Variants in NIFK observed in about 807,000 individuals in gnomAD.
The protein encoded by NIFK is MKI67 FHA domain-interacting nucleolar phosphoprotein.
In NIFK, 16 loss-of-function variants were observed where a neutral mutation model predicts 31.7. That is an observed-to-expected ratio of 0.50 (90% CI 0.34 to 0.77). The LOEUF (loss-of-function observed/expected upper bound fraction) is 0.77. Among genes scored for constraint, NIFK ranks in the 30% least tolerant of loss-of-function variants. NIFK has a pLI of 0.01. For synonymous variants in NIFK, 126 were observed against 123.0 expected (o/e 1.02, Z -0.16); for missense variants, 341 against 350.4 (o/e 0.97, Z 0.21).
At chr2:121,729,607 G>A (rs1396396841) in intron 4 of NIFK, among the ~76,000 whole-genome samples, 1 of 152,036 alleles carries the variant, frequency 6.6e-6, no homozygotes, top group Non-Finnish European at 1.5e-5. Context: ...CTCTGTTGCT[G>A]AGGCTGGAGT....
intron 2 of NIFK, 125 bp downstream of exon 2, chr2:121,735,488 T>A: frequency 9.8e-7 from 1 of 1,024,518 alleles, no homozygotes; most frequent in Non-Finnish European, 1.5e-6. Context: ...ATTCTAAACC[T>A]CCTCCACTCT....
At chr2:121,736,088 T>C (rs980677386) in intron 1 of NIFK, among the ~76,000 whole-genome samples, 8 of 152,226 alleles carry the variant, frequency 5.3e-5, no homozygotes, top group Non-Finnish European at 1.0e-4. Context: ...TGCATATTAC[T>C]GTTTACTCGC....
chr2:121,728,058 A>G, intron 6 of NIFK, 146 bp from the exon 7 acceptor site: 1 of 787,752 alleles, frequency 1.3e-6, no homozygotes, highest in Non-Finnish European at 2.0e-6. Context: ...TATTGCAAAG[A>G]ATAAAGAACT....
intron 4 of NIFK, 44 bp downstream of exon 4, chr2:121,730,849 C>T (rs369681469): frequency 5.0e-6 from 7 of 1,387,450 alleles, no homozygotes; most frequent in African/African-American, 4.3e-5. Flanking sequence ...CTGCCCCCTC[C>T]CCTCCCCACA....
intron 6 of NIFK, 121 bp downstream of exon 6, chr2:121,728,167 G>T: frequency 1.3e-6 from 1 of 746,972 alleles, no homozygotes; most frequent in Non-Finnish European, 2.2e-6. Flanking sequence ...CAACAATAAA[G>T]ATCTACCAAA....
chr2:121,733,580 G>A (rs2074558687), intron 2 of NIFK, among the ~76,000 whole-genome samples: 1 of 151,846 alleles, frequency 6.6e-6, no homozygotes, highest in African/African-American at 2.4e-5. Context: ...TCGGGAGGCT[G>A]GGGCAGGAGA....
intron 3 of NIFK, among the ~76,000 whole-genome samples, chr2:121,731,471 C>T (rs1005461943): frequency 6.6e-6 from 1 of 152,198 alleles, no homozygotes; most frequent in Non-Finnish European, 1.5e-5. Context: ...CGTCACTCCT[C>T]CACTCCCTCT....
chr2:121,729,815 C>T (rs933467890), intron 4 of NIFK, among the ~76,000 whole-genome samples: 3 of 152,146 alleles, frequency 2.0e-5, no homozygotes, highest in African/African-American at 4.8e-5. Flanking sequence ...GTAAGTTAAA[C>T]AAATCAGATT....
In NIFK at chr2:121,727,691, A is replaced by AT; in HGVS notation, c.*32dup. ...CAAAGTCCACTCTCATAAAAATATT[A>AT]TATTTTTCAAAAGAAATATAATACA... On this transcript the variant is annotated 3_prime_UTR_variant, in exon 7 of 7. Coordinates refer to ENST00000285814, the MANE Select transcript of NIFK (RefSeq NM_032390.5). The AT allele has an allele frequency of 6.7e-7, 1 of 1,493,824 alleles. No homozygotes were observed. Among genetic ancestry groups the AT allele is most frequent in the Non-Finnish European group, 9.2e-7 (1 of 1,092,460 alleles). The allele number at this position is 1,493,824 out of a possible 1,614,324, so 92.5% of individuals were successfully genotyped here. A position where few individuals can be genotyped will look rare whatever the true frequency, so the allele number is the denominator to read the frequency against.
intron 1 of NIFK, 91 bp downstream of exon 1, chr2:121,736,655 G>C (rs1456808608): frequency 8.1e-6 from 9 of 1,111,778 alleles, no homozygotes; most frequent in Non-Finnish European, 1.1e-5. Flanking sequence ...GAAGGCAAGG[G>C]GCGCCCGGGC....
In NIFK at chr2:121,731,117, A is replaced by G. The variant is rs2074536087; in HGVS notation, c.353-13T>C. On this transcript the variant is annotated splice_polypyrimidine_tract_variant and intron_variant, in intron 3 of 6. Coordinates refer to ENST00000285814, the MANE Select transcript of NIFK (RefSeq NM_032390.5). ...GGCATAAAATGACCTATTTTCAAAA[A>G]GAAAAAAACATAAAGGTATTTTAAT... 6.9e-7 allele frequency: 1 copy of G among 1,439,308 alleles called. No homozygotes were observed. The allele number at this position is 1,439,308 out of a possible 1,614,324, so 89.2% of individuals were successfully genotyped here. A position where few individuals can be genotyped will look rare whatever the true frequency, so the allele number is the denominator to read the frequency against.
intron 2 of NIFK, among the ~76,000 whole-genome samples, chr2:121,734,109 GTTTA>G (rs199699501): frequency 0.13 from 19,016 of 152,022 alleles, 2,763 homozygotes; most frequent in African/African-American, 0.35. Flanking sequence ...CCAAAACAGT[GTTTA>G]GTAGAAACAC....
chr2:121,728,078 A>G, intron 6 of NIFK, 166 bp from the exon 7 acceptor site: 1 of 738,758 alleles, frequency 1.4e-6, no homozygotes, highest in South Asian at 2.3e-5. Context: ...TTAGATGCTT[A>G]TCAAACTTGG....
intron 4 of NIFK, 103 bp downstream of exon 4, chr2:121,730,790 A>T: frequency 1.3e-6 from 1 of 761,394 alleles, no homozygotes; most frequent in Non-Finnish European, 2.3e-6. Context: ...AGTTGCAGTG[A>T]GTCAAGATTG....
chr2:121,728,564 C>G (rs184080486), intron 4 of NIFK, 28 bp from the exon 5 acceptor site: 2 of 1,301,228 alleles, frequency 1.5e-6, no homozygotes, highest in African/African-American at 1.5e-5. Context: ...GAAATTGACA[C>G]TCATATCTTT....
intron 1 of NIFK, 35 bp downstream of exon 1, chr2:121,736,711 C>T (rs753354501): frequency 6.4e-7 from 1 of 1,573,668 alleles, no homozygotes; most frequent in Admixed American, 1.7e-5. Flanking sequence ...GGTCCATCGC[C>T]CCCGCTCGCA....
At chr2:121,729,461 C>G (rs1294592963) in intron 4 of NIFK, among the ~76,000 whole-genome samples, 1 of 151,878 alleles carries the variant, frequency 6.6e-6, no homozygotes, top group African/African-American at 2.4e-5. Context: ...AAAGACATAG[C>G]TCTCCTCACT....
intron 4 of NIFK, among the ~76,000 whole-genome samples, chr2:121,729,343 G>A (rs2074519531): frequency 6.7e-6 from 1 of 149,622 alleles, no homozygotes; most frequent in Non-Finnish European, 1.5e-5. Flanking sequence ...ACTCCAGCCT[G>A]GGCAACAGAG....
chr2:121,735,760 TA>T lies in NIFK; in HGVS notation c.106-11del, dbSNP rs1437404634. 6.2e-7 allele frequency: 1 copy of T among 1,607,336 alleles called. No individual in the cohort carries two copies. Among genetic ancestry groups the T allele is most frequent in the African/African-American group, 1.3e-5 (1 of 74,176 alleles). On this transcript the variant is annotated splice_polypyrimidine_tract_variant and intron_variant, in intron 1 of 6. Coordinates refer to ENST00000285814, the MANE Select transcript of NIFK (RefSeq NM_032390.5). ...GTTCTTGTTTTTTTCGCTAAAGACG[TA>T]AAGACCAGGTAAATTAAATATATAA...
Sources: gnomAD v4.1 joint callset for allele counts (sites outside exome capture counted in the v4.1 genomes callset) on GRCh38, gnomAD v4.1.1 for gene constraint, MANE v1.5 for transcripts, NCBI Gene and HGNC (gene_info 2026-07-23, HGNC 2026-07-21) for gene names.